The following RABGAP1L variants were observed in gnomAD, a reference collection of about 807,000 sequenced individuals.
The protein encoded by RABGAP1L is RAB GTPase activating protein 1 like.
A neutral mutation model predicts 137.7 loss-of-function variants in RABGAP1L; 63 were observed. The observed-to-expected ratio is 0.46, with a 90% CI of 0.37 to 0.56. The LOEUF (loss-of-function observed/expected upper bound fraction) is 0.56. RABGAP1L is among the 20% of genes least tolerant of loss of function. The probability of loss-of-function intolerance (pLI) is 0.00; values close to 1 mark genes in which losing one functional copy is unlikely to be tolerated. For missense variants in RABGAP1L, 1,095 were observed against 1,244.0 expected, an observed-to-expected ratio of 0.88 and a Z score of 1.80; for synonymous variants, 431 against 433.7, an observed-to-expected ratio of 0.99 and a Z score of 0.08.
At chr1:174,626,033 T>C (rs895634419) in intron 13 of RABGAP1L, among the ~76,000 whole-genome samples, 2 of 152,224 alleles carry the variant, frequency 1.3e-5, no homozygotes, top group African/African-American at 4.8e-5. Flanking sequence ...AGTAACAGCA[T>C]GGATTTCAGC....
intron 13 of RABGAP1L, among the ~76,000 whole-genome samples, chr1:174,635,559 C>G (rs1459131924): frequency 6.6e-6 from 1 of 152,078 alleles, no homozygotes; most frequent in Non-Finnish European, 1.5e-5. Context: ...CTGCAGTTTT[C>G]TTTATCATTA....
At chr1:174,533,885 T>A (rs1664653857) in intron 13 of RABGAP1L, among the ~76,000 whole-genome samples, 1 of 152,128 alleles carries the variant, frequency 6.6e-6, no homozygotes, top group African/African-American at 2.4e-5. Context: ...GTGGCCAGGC[T>A]GGTCTCAAAC....
intron 13 of RABGAP1L, among the ~76,000 whole-genome samples, chr1:174,476,277 A>C (rs1173618239): frequency 6.6e-6 from 1 of 152,128 alleles, no homozygotes; most frequent in Non-Finnish European, 1.5e-5. Context: ...TAATTGTATT[A>C]ATTTTGTTAA....
intron 10 of RABGAP1L, among the ~76,000 whole-genome samples, chr1:174,302,833 C>G (rs1243338715): frequency 6.6e-6 from 1 of 152,058 alleles, no homozygotes; most frequent in Non-Finnish European, 1.5e-5. Context: ...TTTTAATCAA[C>G]TATTAAAGTT....
intron 12 of RABGAP1L, among the ~76,000 whole-genome samples, chr1:174,386,037 A>G (rs930541722): frequency 3.3e-5 from 5 of 152,218 alleles, no homozygotes; most frequent in Non-Finnish European, 7.3e-5. Context: ...TGTCAGAGAA[A>G]GAGGACATAA....
intron 4 of RABGAP1L, among the ~76,000 whole-genome samples, chr1:174,233,399 A>G (rs969150987): frequency 6.5e-5 from 9 of 137,748 alleles, no homozygotes; most frequent in Non-Finnish European, 1.4e-4. Flanking sequence ...ATATATCCCA[A>G]TGCTATCCCT....
intron 11 of RABGAP1L, among the ~76,000 whole-genome samples, chr1:174,331,733 T>C (rs943478937): frequency 6.6e-6 from 1 of 152,194 alleles, no homozygotes; most frequent in African/African-American, 2.4e-5. Flanking sequence ...ACGTGCAGGT[T>C]TGTTACATAT....
chr1:174,309,944 A>T (rs571133804), intron 11 of RABGAP1L, among the ~76,000 whole-genome samples: 1 of 152,120 alleles, frequency 6.6e-6, no homozygotes, highest in Non-Finnish European at 1.5e-5. Flanking sequence ...GTATTAATTC[A>T]TCTTTCAGTC....
At chr1:174,482,531 C>T (rs989409714) in intron 13 of RABGAP1L, among the ~76,000 whole-genome samples, 1 of 152,158 alleles carries the variant, frequency 6.6e-6, no homozygotes, top group Non-Finnish European at 1.5e-5. Flanking sequence ...TGCTCTGTTG[C>T]CCAGACTGGA....
intron 4 of RABGAP1L, among the ~76,000 whole-genome samples, chr1:174,239,870 A>G (rs1671640349): frequency 6.6e-6 from 1 of 152,220 alleles, no homozygotes. Flanking sequence ...CTCATTCTCT[A>G]AAGTTTAGAA....
In RABGAP1L at chr1:174,604,375, A is replaced by G. The variant is rs189778947; in HGVS notation, c.1711-33000A>G. On this transcript the variant is annotated intron_variant, in intron 13 of 25. Transcript: ENST00000681986. Reference sequence around the variant, plus strand: ...CAATCACTGTCCTCTCCCTCTGCCTATCACACATACTGTCTCTCTGTGCCA... The same window carrying G: ...CAATCACTGTCCTCTCCCTCTGCCTGTCACACATACTGTCTCTCTGTGCCA... Among the ~76,000 whole-genome samples, 591 of 152,306 alleles carry G rather than the reference A, an allele frequency of 3.9e-3. 3 individuals carry two copies. Among genetic ancestry groups the G allele is most frequent in the Middle Eastern group, 0.014 (4 of 294 alleles).
At chr1:174,645,229 A>G (rs1047324947) in intron 14 of RABGAP1L, among the ~76,000 whole-genome samples, 5 of 151,994 alleles carry the variant, frequency 3.3e-5, no homozygotes, top group Non-Finnish European at 7.4e-5. Flanking sequence ...AATTTAGATT[A>G]TGTATTATAT....
intron 19 of RABGAP1L, chr1:174,877,458 G>T (rs1363174239): frequency 1.2e-6 from 2 of 1,613,036 alleles, no homozygotes; most frequent in East Asian, 2.2e-5. Context: ...CTGGAGCTGG[G>T]ACAGCAGCTG....
chr1:174,616,404 G>C (rs1409893772), intron 13 of RABGAP1L, among the ~76,000 whole-genome samples: 1 of 152,166 alleles, frequency 6.6e-6, no homozygotes, highest in Non-Finnish European at 1.5e-5. Context: ...CCATCTTGGG[G>C]AATAGATGGT....
At chr1:174,859,807 A>G (rs910128143) in intron 19 of RABGAP1L, among the ~76,000 whole-genome samples, 2 of 151,982 alleles carry the variant, frequency 1.3e-5, no homozygotes, top group Admixed American at 6.6e-5. Context: ...TGCCTGTGTA[A>G]CAAACCTGCA....
At chr1:174,442,956 G>A (rs72713591) in intron 13 of RABGAP1L, among the ~76,000 whole-genome samples, 31,765 of 152,076 alleles carry the variant, frequency 0.21, 3,656 homozygotes, top group Admixed American at 0.25. Flanking sequence ...ACATATGAGT[G>A]AGAGTATGCA....
At chr1:174,404,478 T>C (rs1649027739) in intron 13 of RABGAP1L, among the ~76,000 whole-genome samples, 1 of 152,180 alleles carries the variant, frequency 6.6e-6, no homozygotes, top group Admixed American at 6.5e-5. Context: ...AGAAACTTAA[T>C]GTAAGTTTAT....
intron 19 of RABGAP1L, among the ~76,000 whole-genome samples, chr1:174,822,599 G>T (rs948978937): frequency 2.0e-5 from 3 of 152,194 alleles, no homozygotes; most frequent in Admixed American, 1.3e-4. Flanking sequence ...CATGGTGGAG[G>T]GGGAGGGCAT....
In RABGAP1L at chr1:174,935,984, CAAAAAAAAAAAAA is replaced by C. The variant is rs58215269; in HGVS notation, c.2341-21460_2341-21448del. On this transcript the variant is annotated intron_variant, in intron 19 of 25. Coordinates refer to ENST00000681986, the MANE Select transcript of RABGAP1L (RefSeq NM_001366446.1). ...CAACAAGAGTAAACCTCCATCTCACCAAAAAAAAAAAAAAAAAAAAAAAAAGAGTAAGTCTTGA... is the reference window on the plus strand; with the variant it reads ...CAACAAGAGTAAACCTCCATCTCACCAAAAAAAAAAAAGAGTAAGTCTTGA... Among the ~76,000 whole-genome samples the C allele has an allele frequency of 6.3e-3, 274 of 43,230 alleles. 3 individuals carry two copies. The highest frequency in any genetic ancestry group is 0.018 in the Middle Eastern group (1 of 56). The allele number at this position is 43,230 out of a possible 152,430, so 28.4% of individuals were successfully genotyped here. A position where few individuals can be genotyped will look rare whatever the true frequency, so the allele number is the denominator to read the frequency against.
Sources: allele counts gnomAD v4.1 joint callset (sites outside exome capture counted in the v4.1 genomes callset), GRCh38; gene constraint gnomAD v4.1.1; transcripts MANE v1.5; gene names NCBI Gene and HGNC (gene_info 2026-07-23, HGNC 2026-07-21).